AFG2A: variants seen among roughly 807,000 people sequenced by gnomAD.
The protein encoded by AFG2A is AAA ATPase AFG2A, also known as ATPase family gene 2 protein homolog A.
the AFG2A span, among the ~76,000 whole-genome samples, chr4:123,091,245 A>G: frequency 1.3e-5 from 2 of 152,220 alleles, no homozygotes; most frequent in Non-Finnish European, 2.9e-5. Context: ...ACGATGGGAG[A>G]GAGAGAACTT....
At chr4:122,962,877 C>A in the AFG2A span, among the ~76,000 whole-genome samples, 773 of 152,312 alleles carry the variant, frequency 5.1e-3, 4 homozygotes, top group South Asian at 0.011. Flanking sequence ...CTTGTCTGGA[C>A]TATTGAAATA....
At chr4:123,110,640 C>T in the AFG2A span, among the ~76,000 whole-genome samples, 14 of 152,152 alleles carry the variant, frequency 9.2e-5, no homozygotes, top group Non-Finnish European at 1.9e-4. Flanking sequence ...AAATATTACT[C>T]TAAGATAATA....
At chr4:122,961,553 G>A in the AFG2A span, among the ~76,000 whole-genome samples, 4 of 152,148 alleles carry the variant, frequency 2.6e-5, no homozygotes, top group East Asian at 1.9e-4. Flanking sequence ...TGCCCAGGCC[G>A]GAGTGCAGTG....
At chr4:123,300,194 A>G in the AFG2A span, among the ~76,000 whole-genome samples, 3 of 152,212 alleles carry the variant, frequency 2.0e-5, no homozygotes, top group African/African-American at 4.8e-5. Flanking sequence ...AGTACATTAA[A>G]TAATAGACAA....
At chr4:123,282,961 C>A in the AFG2A span, among the ~76,000 whole-genome samples, 1 of 151,980 alleles carries the variant, frequency 6.6e-6, no homozygotes, top group Non-Finnish European at 1.5e-5. Flanking sequence ...TATCGGAACA[C>A]TTAATATATG....
At chr4:123,189,809 CTTTTTTTTTTTTTT>C in the AFG2A span, among the ~76,000 whole-genome samples, 5 of 61,776 alleles carry the variant, frequency 8.1e-5, no homozygotes, top group African/African-American at 1.3e-4. Flanking sequence ...AGGTCATTTG[CTTTTTTTTTTTTTT>C]TTTTTTTTTT....
At chr4:123,106,494 T>C in the AFG2A span, among the ~76,000 whole-genome samples, 1 of 151,468 alleles carries the variant, frequency 6.6e-6, no homozygotes, top group African/African-American at 2.5e-5. Context: ...ATGTGGGGTA[T>C]ACCCAAACCA....
chr4:123,307,154 G>A, the AFG2A span, among the ~76,000 whole-genome samples: 1 of 152,314 alleles, frequency 6.6e-6, no homozygotes, highest in Admixed American at 6.5e-5. Context: ...CACTGAAACT[G>A]TTCCAGACTT....
At chr4:123,067,409 C>T in the AFG2A span, among the ~76,000 whole-genome samples, 4 of 151,726 alleles carry the variant, frequency 2.6e-5, no homozygotes, top group African/African-American at 4.8e-5. Context: ...CCCAGCTACT[C>T]GAGAGGCTGA....
chr4:123,187,288 A>G, the AFG2A span, among the ~76,000 whole-genome samples: 32 of 152,202 alleles, frequency 2.1e-4, no homozygotes, highest in Non-Finnish European at 3.8e-4. Flanking sequence ...GTCACATCTA[A>G]TGGAACTTTT....
At chr4:123,170,349 T>A in the AFG2A span, among the ~76,000 whole-genome samples, 1 of 152,204 alleles carries the variant, frequency 6.6e-6, no homozygotes, top group Non-Finnish European at 1.5e-5. Flanking sequence ...GTAGCACAAA[T>A]AAATTAATCA....
the AFG2A span, among the ~76,000 whole-genome samples, chr4:123,052,670 G>T: frequency 6.6e-6 from 1 of 152,156 alleles, no homozygotes; most frequent in African/African-American, 2.4e-5. Context: ...CTAAACACTA[G>T]GAGACTGTAT....
At chr4:123,270,067 G>A in the AFG2A span, among the ~76,000 whole-genome samples, 3 of 152,184 alleles carry the variant, frequency 2.0e-5, no homozygotes, top group East Asian at 1.9e-4. Flanking sequence ...TGCCCGCCTC[G>A]GCCTCCCAAA....
the AFG2A span, among the ~76,000 whole-genome samples, chr4:123,129,786 C>G: frequency 6.6e-6 from 1 of 152,104 alleles, no homozygotes; most frequent in Non-Finnish European, 1.5e-5. Context: ...TAATTCAGCT[C>G]AGATCTTTGC....
chr4:123,262,143 A>C, the AFG2A span, among the ~76,000 whole-genome samples: 1 of 152,116 alleles, frequency 6.6e-6, no homozygotes, highest in African/African-American at 2.4e-5. Context: ...GGCAGAGATC[A>C]GTTCTTGTAC....
the AFG2A span, among the ~76,000 whole-genome samples, chr4:123,254,814 G>A: frequency 3.9e-5 from 6 of 152,232 alleles, no homozygotes; most frequent in African/African-American, 1.4e-4. Flanking sequence ...GTAAAATAAT[G>A]TAGGCATTAG....
the AFG2A span, among the ~76,000 whole-genome samples, chr4:123,228,564 A>G: frequency 6.6e-6 from 1 of 152,166 alleles, no homozygotes; most frequent in South Asian, 2.1e-4. Flanking sequence ...CGGAATACTA[A>G]TAGCGTTCAT....
At chr4:123,004,765 T>C in the AFG2A span, among the ~76,000 whole-genome samples, 1 of 152,206 alleles carries the variant, frequency 6.6e-6, no homozygotes, top group Non-Finnish European at 1.5e-5. Context: ...TTCTCTTTAG[T>C]TTTTATTTGT....
At chr4:122,992,970 G>GTGTGTGTGTGTA in the AFG2A span, among the ~76,000 whole-genome samples, 1 of 98,802 alleles carries the variant, frequency 1.0e-5, no homozygotes, top group African/African-American at 3.2e-5. Flanking sequence ...GTGTGTGTGT[G>GTGTGTGTGTGTA]TGTGTATGTG....
Sources: gnomAD v4.1 joint callset for allele counts (sites outside exome capture counted in the v4.1 genomes callset) on GRCh38, gnomAD v4.1.1 for gene constraint, MANE v1.5 for transcripts, NCBI Gene and HGNC (gene_info 2026-07-23, HGNC 2026-07-21) for gene names.